The following CD302 variants were observed in gnomAD, a reference collection of about 807,000 sequenced individuals.
CD302 encodes the protein CD302 molecule, also known as CD302 antigen.
CD302 carries 23 observed loss-of-function variants against 26.5 expected under a neutral mutation model. The ratio of observed to expected loss-of-function variants is 0.87; its 90% CI spans 0.62 to 1.23. CD302 has a LOEUF of 1.23. Among genes scored for constraint, CD302 ranks in the 50% most tolerant of loss-of-function variants. The pLI, the probability that CD302 is intolerant of heterozygous loss-of-function variation, is 0.00. For missense variants in CD302, 290 were observed against 275.5 expected (o/e 1.05, Z -0.37); for synonymous variants, 90 against 99.4 (o/e 0.91, Z 0.56).
At chr2:159,779,416 T>C (rs1404949014) in intron 4 of CD302, among the ~76,000 whole-genome samples, 2 of 152,108 alleles carry the variant, frequency 1.3e-5, no homozygotes, top group Admixed American at 6.6e-5. Flanking sequence ...CTTCACCACT[T>C]CTGCTCACTC....
At chr2:159,775,997 G>T (rs530684438) in intron 5 of CD302, among the ~76,000 whole-genome samples, 196 of 84,760 alleles carry the variant, frequency 2.3e-3, no homozygotes, top group African/African-American at 6.5e-3. Context: ...TGCAGCCTCT[G>T]CCTCCGGGTT....
chr2:159,797,005 C>T (rs781738861), intron 1 of CD302, among the ~76,000 whole-genome samples: 33 of 152,120 alleles, frequency 2.2e-4, no homozygotes, highest in Admixed American at 5.9e-4. Flanking sequence ...ACAATGTGAA[C>T]ATGGGCACAT....
At chr2:159,789,485 ACT>A (rs1299504040) in intron 1 of CD302, among the ~76,000 whole-genome samples, 1 of 150,142 alleles carries the variant, frequency 6.7e-6, no homozygotes, top group East Asian at 2.0e-4. Context: ...ATTTCTGAAA[ACT>A]CTAATTTCTA....
At chr2:159,785,921 G>A (rs1377736283) in intron 1 of CD302, among the ~76,000 whole-genome samples, 1 of 152,166 alleles carries the variant, frequency 6.6e-6, no homozygotes, top group East Asian at 1.9e-4. Flanking sequence ...TATCTTGGTG[G>A]TGAGACCTTG....
chr2:159,781,885 T>A (rs982526228), intron 2 of CD302, among the ~76,000 whole-genome samples: 2 of 98,224 alleles, frequency 2.0e-5, no homozygotes, highest in African/African-American at 7.7e-5. Flanking sequence ...CCTTCTATAA[T>A]AAATGTATAT....
intron 4 of CD302, among the ~76,000 whole-genome samples, chr2:159,778,381 T>A (rs527924594): frequency 5.9e-5 from 9 of 152,344 alleles, no homozygotes; most frequent in Admixed American, 5.9e-4. Flanking sequence ...AAAACTTTGT[T>A]TATGTAATGG....
intron 5 of CD302, among the ~76,000 whole-genome samples, chr2:159,773,793 T>C (rs1186665254): frequency 1.3e-5 from 2 of 152,182 alleles, no homozygotes; most frequent in African/African-American, 4.8e-5. Context: ...ATCTACCTCA[T>C]TAATTAAAGG....
chr2:159,791,995 A>G (rs1039629154), intron 1 of CD302, among the ~76,000 whole-genome samples: 1 of 152,252 alleles, frequency 6.6e-6, no homozygotes, highest in Non-Finnish European at 1.5e-5. Context: ...GCTTAAAACA[A>G]GAAACACTTA....
At chr2:159,798,061 A>T in intron 1 of CD302, 71 bp downstream of exon 1, 3 of 1,406,658 alleles carry the variant, frequency 2.1e-6, no homozygotes, top group Non-Finnish European at 2.9e-6. Flanking sequence ...CGCGGGGACG[A>T]AGAGCGTGCG....
chr2:159,794,545 TATTTATTC>T (rs1708899574), intron 1 of CD302, among the ~76,000 whole-genome samples: 1 of 149,434 alleles, frequency 6.7e-6, no homozygotes, highest in Non-Finnish European at 1.5e-5. Context: ...TTTATTTATT[TATTTATTC>T]ATTTATTTAT....
At chr2:159,789,132 C>G (rs1305139710) in intron 1 of CD302, among the ~76,000 whole-genome samples, 1 of 151,360 alleles carries the variant, frequency 6.6e-6, no homozygotes, top group Admixed American at 6.6e-5. Context: ...ATCCTCCCAC[C>G]TCAGCCTCCT....
intron 1 of CD302, among the ~76,000 whole-genome samples, chr2:159,795,751 G>A (rs1708938041): frequency 6.6e-6 from 1 of 152,218 alleles, no homozygotes; most frequent in South Asian, 2.1e-4. Context: ...TGAATGGCAG[G>A]AAGGGTGGTA....
chr2:159,789,381 T>A (rs1401367128), intron 1 of CD302, among the ~76,000 whole-genome samples: 1 of 152,224 alleles, frequency 6.6e-6, no homozygotes, highest in Non-Finnish European at 1.5e-5. Flanking sequence ...AATTTCAACT[T>A]GATTATATTT....
chr2:159,777,639 A>G (rs1433458289), intron 5 of CD302, among the ~76,000 whole-genome samples: 3 of 152,228 alleles, frequency 2.0e-5, no homozygotes, highest in Non-Finnish European at 2.9e-5. Flanking sequence ...GAGAATGGAC[A>G]ATATATGATA....
intron 1 of CD302, among the ~76,000 whole-genome samples, chr2:159,789,454 ATCG>A (rs1708750602): frequency 6.6e-6 from 1 of 152,050 alleles, no homozygotes; most frequent in Admixed American, 6.5e-5. Context: ...TCTTTAACTT[ATCG>A]TAGTTATTTT....
At chr2:159,788,900 A>G (rs1477124214) in intron 1 of CD302, among the ~76,000 whole-genome samples, 2 of 152,082 alleles carry the variant, frequency 1.3e-5, no homozygotes, top group Non-Finnish European at 2.9e-5. Context: ...ACTTTTTACC[A>G]TGTCCTGTAT....
chr2:159,788,886 T>C (rs1708735302), intron 1 of CD302, among the ~76,000 whole-genome samples: 1 of 152,234 alleles, frequency 6.6e-6, no homozygotes, highest in Non-Finnish European at 1.5e-5. Context: ...TACATCTATG[T>C]TAGACTTTTT....
intron 5 of CD302, among the ~76,000 whole-genome samples, chr2:159,773,587 G>GT (rs1261129367): frequency 6.6e-6 from 1 of 152,226 alleles, no homozygotes; most frequent in Non-Finnish European, 1.5e-5. Context: ...GCGAGACACA[G>GT]TAAGTATATA....
chr2:159,772,548 C>T (rs916535117), intron 5 of CD302, among the ~76,000 whole-genome samples: 5 of 152,030 alleles, frequency 3.3e-5, no homozygotes, highest in South Asian at 2.1e-4. Context: ...TTGTGTGTTT[C>T]CCTAAATTTC....
Sources: gnomAD v4.1 joint callset for allele counts (sites outside exome capture counted in the v4.1 genomes callset) on GRCh38, gnomAD v4.1.1 for gene constraint, MANE v1.5 for transcripts, NCBI Gene and HGNC (gene_info 2026-07-23, HGNC 2026-07-21) for gene names.